CHLSN: variants seen among roughly 807,000 people sequenced by gnomAD.
The protein encoded by CHLSN is cholesin, also known as protein cholesin.
the CHLSN span, chr7:1,056,761 T>A: frequency 6.7e-6 from 1 of 148,720 alleles, no homozygotes; most frequent in Non-Finnish European, 1.5e-5. Context: ...CGCTTTCTAC[T>A]CCACTCCGAG....
At chr7:1,068,694 T>A in the CHLSN span, among the ~76,000 whole-genome samples, 4 of 152,154 alleles carry the variant, frequency 2.6e-5, no homozygotes, top group Admixed American at 1.3e-4. Flanking sequence ...ACTTTTAGTC[T>A]ATGACGAAAG....
chr7:996,175 C>T, the CHLSN span, among the ~76,000 whole-genome samples: 8 of 152,250 alleles, frequency 5.3e-5, no homozygotes, highest in African/African-American at 1.9e-4. Context: ...GAGGCCCAGC[C>T]AGGCCAGCAG....
the CHLSN span, among the ~76,000 whole-genome samples, chr7:1,065,641 G>A: frequency 6.6e-6 from 1 of 152,200 alleles, no homozygotes; most frequent in Non-Finnish European, 1.5e-5. Context: ...GCGGCGACGA[G>A]GGCCGGGTCT....
the CHLSN span, among the ~76,000 whole-genome samples, chr7:981,577 G>A: frequency 6.6e-6 from 1 of 151,980 alleles, no homozygotes; most frequent in African/African-American, 2.4e-5. Context: ...AGCCAGGTGT[G>A]GTGGCATGTG....
At chr7:1,137,573 G>C in the CHLSN span, 1 of 152,272 alleles carries the variant, frequency 6.6e-6, no homozygotes, top group South Asian at 2.1e-4. Context: ...GCCGAGGCAG[G>C]AGGATCCATC....
At chr7:1,057,845 T>C in the CHLSN span, 1 of 777,664 alleles carries the variant, frequency 1.3e-6, no homozygotes, top group South Asian at 1.3e-5. Context: ...TCCCCTTCAA[T>C]GTGTCCTCAC....
chr7:994,366 G>T, the CHLSN span, among the ~76,000 whole-genome samples: 8 of 152,074 alleles, frequency 5.3e-5, no homozygotes, highest in African/African-American at 1.9e-4. Context: ...TCACCAGGTT[G>T]GTCAGGCTGG....
At chr7:998,457 C>CTTTTTTT in the CHLSN span, among the ~76,000 whole-genome samples, 32 of 95,024 alleles carry the variant, frequency 3.4e-4, no homozygotes, top group South Asian at 7.1e-4. Context: ...GTCTTAGATT[C>CTTTTTTT]TTTTTTTTTT....
chr7:1,137,682 C>A, the CHLSN span: 1 of 152,246 alleles, frequency 6.6e-6, no homozygotes, highest in Non-Finnish European at 1.5e-5. Flanking sequence ...GTGGCGCGCG[C>A]ATGTGGTCCC....
chr7:1,126,539 G>C, the CHLSN span, among the ~76,000 whole-genome samples: 1 of 151,822 alleles, frequency 6.6e-6, no homozygotes, highest in Non-Finnish European at 1.5e-5. Context: ...AAACTAGTCG[G>C]GCGTGGTGGT....
At chr7:985,411 C>G in the CHLSN span, 2 of 1,385,016 alleles carry the variant, frequency 1.4e-6, no homozygotes, top group Non-Finnish European at 9.7e-7. Context: ...GTGCTGTCCC[C>G]TCTCAGCTTC....
chr7:1,070,241 C>T, the CHLSN span, among the ~76,000 whole-genome samples: 73 of 143,146 alleles, frequency 5.1e-4, 2 homozygotes, highest in South Asian at 0.015. Flanking sequence ...GCAGCCACCC[C>T]GTCCGGGAGG....
the CHLSN span, among the ~76,000 whole-genome samples, chr7:983,850 C>T: frequency 6.6e-6 from 1 of 152,248 alleles, no homozygotes; most frequent in Admixed American, 6.5e-5. Context: ...GGCAGGGATG[C>T]TGAGGACAGA....
chr7:999,745 T>C, the CHLSN span, among the ~76,000 whole-genome samples: 1 of 152,162 alleles, frequency 6.6e-6, no homozygotes, highest in African/African-American at 2.4e-5. Context: ...ACGCAAAGCC[T>C]GGCCTCTAGT....
the CHLSN span, among the ~76,000 whole-genome samples, chr7:980,500 T>C: frequency 9.9e-5 from 15 of 152,276 alleles, no homozygotes; most frequent in African/African-American, 3.6e-4. Context: ...TTTTAAGATA[T>C]CCTTGCAACT....
chr7:1,080,233 C>T, the CHLSN span, among the ~76,000 whole-genome samples: 1 of 152,254 alleles, frequency 6.6e-6, no homozygotes, highest in Non-Finnish European at 1.5e-5. Context: ...AAATTACGCT[C>T]ACATGAAACC....
At chr7:1,084,602 T>C in the CHLSN span, among the ~76,000 whole-genome samples, 7 of 152,038 alleles carry the variant, frequency 4.6e-5, no homozygotes, top group African/African-American at 1.7e-4. Context: ...GGTGGACCGC[T>C]CCCCTTGAAA....
chr7:1,079,590 G>A, the CHLSN span, among the ~76,000 whole-genome samples: 11 of 152,372 alleles, frequency 7.2e-5, no homozygotes, highest in Middle Eastern at 3.4e-3. Flanking sequence ...AGCGTGCTGA[G>A]GGAATCTGCA....
the CHLSN span, chr7:1,055,389 C>T: frequency 2.1e-6 from 1 of 470,372 alleles, no homozygotes; most frequent in Non-Finnish European, 4.4e-6. Context: ...CGCAGGTCCT[C>T]ACCAGAGCTC....
Sources: allele counts gnomAD v4.1 joint callset (sites outside exome capture counted in the v4.1 genomes callset), GRCh38; gene constraint gnomAD v4.1.1; transcripts MANE v1.5; gene names NCBI Gene and HGNC (gene_info 2026-07-23, HGNC 2026-07-21).